DNAH2: variants seen among roughly 807,000 people sequenced by gnomAD.
DNAH2 encodes dynein axonemal heavy chain 2, also known as axonemal beta dynein heavy chain 2.
DNAH2 carries 323 observed loss-of-function variants against 523.5 expected under a neutral mutation model. The ratio of observed to expected loss-of-function variants is 0.62; its 90% CI spans 0.56 to 0.68. The LOEUF (loss-of-function observed/expected upper bound fraction) is 0.68, where lower values mean the gene tolerates loss of function less well. Ranked by LOEUF, DNAH2 falls within the 30% of genes least tolerant of loss-of-function variation. The probability of loss-of-function intolerance (pLI) is 0.00; values close to 1 mark genes in which losing one functional copy is unlikely to be tolerated. For synonymous variants in DNAH2, 2,093 were observed against 2,177.4 expected, an observed-to-expected ratio of 0.96 and a Z score of 1.08; for missense variants, 4,907 against 5,701.5, an observed-to-expected ratio of 0.86 and a Z score of 4.49.
At chr17:7,826,425 T>C (rs1241198460) in intron 77 of DNAH2, among the ~76,000 whole-genome samples, 1 of 152,170 alleles carries the variant, frequency 6.6e-6, no homozygotes, top group Non-Finnish European at 1.5e-5. Flanking sequence ...CACTTCCTGC[T>C]ATCCAGTCTT....
At chr17:7,747,647 AACTT>A (rs1238042557) in intron 12 of DNAH2, among the ~76,000 whole-genome samples, 1 of 152,204 alleles carries the variant, frequency 6.6e-6, no homozygotes, top group East Asian at 1.9e-4. Flanking sequence ...TTATCAAGGC[AACTT>A]TGGGCCAAAT....
chr17:7,822,514 C>T (rs1178405667), intron 73 of DNAH2, among the ~76,000 whole-genome samples: 2 of 152,244 alleles, frequency 1.3e-5, no homozygotes, highest in Non-Finnish European at 2.9e-5. Context: ...CCTTGATCTT[C>T]TTATTTAATA....
chr17:7,724,023 C>G (rs913314292), intron 3 of DNAH2, among the ~76,000 whole-genome samples: 1 of 152,116 alleles, frequency 6.6e-6, no homozygotes, highest in Non-Finnish European at 1.5e-5. Context: ...ATACTAATTT[C>G]TAAGACATGC....
rs770277025 is a variant in DNAH2, at chr17:7,734,321, C to T, written c.739+28C>T. 14 of 1,606,120 alleles carry T rather than the reference C, an allele frequency of 8.7e-6. No homozygotes were observed. In the South Asian group the frequency reaches 1.6e-4, roughly 18 times the overall value. On this transcript the variant is annotated intron_variant, in intron 6 of 85. Coordinates refer to ENST00000572933, the MANE Select transcript of DNAH2 (RefSeq NM_020877.5). ...GAGTGGCTGGCACTGCTAGCATCAC[C>T]TGGCGATCACAGGGGAGAGGGAAAG...
Position 7,794,393 on chromosome 17 carries a change from G to C in DNAH2, c.7674+35G>C, listed in dbSNP as rs764246317. The C allele has an allele frequency of 1.9e-6, 3 of 1,569,090 alleles. No individual in the cohort carries two copies. In the East Asian group the frequency reaches 7.0e-5, roughly 37 times the overall value. ...TCATGGGGGCTGCAGGACGAGGGGAGGGTAGGAGGTGAAACGTGTCTGTCT... is the reference window on the plus strand; with the variant it reads ...TCATGGGGGCTGCAGGACGAGGGGACGGTAGGAGGTGAAACGTGTCTGTCT... On this transcript the variant is annotated intron_variant, in intron 49 of 85. Transcript: ENST00000572933.
chr17:7,737,481 T>G (rs758866422), intron 8 of DNAH2, among the ~76,000 whole-genome samples: 5 of 152,152 alleles, frequency 3.3e-5, no homozygotes, highest in Non-Finnish European at 7.4e-5. Context: ...GGAGGTGGCT[T>G]AGGCAGGAAG....
intron 63 of DNAH2, among the ~76,000 whole-genome samples, chr17:7,811,374 A>G (rs895889554): frequency 2.6e-5 from 4 of 152,190 alleles, no homozygotes; most frequent in African/African-American, 7.2e-5. Flanking sequence ...ACATCAACTA[A>G]TCTTGCCTTT....
chr17:7,833,051 C>G lies in DNAH2; in HGVS notation c.12979-20C>G. ...AATTGAAGTCTAGCTTCTCCCAGAC[C>G]TGCTCCCATTTCTCCCCAGGATGGT... On this transcript the variant is annotated intron_variant, in intron 84 of 85. Transcript: ENST00000572933. 2 of 1,613,318 alleles carry G rather than the reference C, an allele frequency of 1.2e-6. No individual in the cohort carries two copies. Among genetic ancestry groups the G allele is most frequent in the East Asian group, 2.2e-5 (1 of 44,874 alleles).
intron 44 of DNAH2, among the ~76,000 whole-genome samples, chr17:7,789,579 C>CT (rs58735826): frequency 0.49 from 68,625 of 140,606 alleles, 18,240 homozygotes; most frequent in Non-Finnish European, 0.59. Context: ...GAGGAATACT[C>CT]TTTTTTTTTT....
Position 7,733,330 on chromosome 17 carries a change from C to A in DNAH2, c.628+15C>A. On this transcript the variant is annotated intron_variant, in intron 5 of 85. Transcript: ENST00000572933. ...CTGCCTGACAGGTAAGTGGGAAGAC[C>A]GGAGTGACTAGTTTCTCCTTAGTGT... 6.2e-7 allele frequency: 1 copy of A among 1,612,692 alleles called. No individual in the cohort carries two copies. Among genetic ancestry groups the A allele is most frequent in the Non-Finnish European group, 8.5e-7 (1 of 1,179,416 alleles).
chr17:7,721,004 C>CT (rs71159523), intron 2 of DNAH2, among the ~76,000 whole-genome samples: 28,672 of 109,778 alleles, frequency 0.26, 4,544 homozygotes, highest in East Asian at 0.41. Context: ...TTCTTTCTTT[C>CT]TTTTTTTTTT....
In DNAH2 at chr17:7,770,621, A is replaced by T. The variant is rs145730724; in HGVS notation, c.4163A>T (p.Lys1388Met). Residue 1388 changes from lysine (K) to methionine (M), a missense_variant, in exon 26 of 86, where the codon AAG becomes ATG. Transcript: ENST00000572933. The part of the protein sequence containing the change: ...TQLDIVPYKD[K>M]GHHRLRGTEE... ...CTCGACATAGTACCCTACAAGGATA[A>T]GGGCCATCATCGGCTCAGGTCAGGG... 4.3e-6 allele frequency: 7 copies of T among 1,614,078 alleles called. No homozygotes were observed. The highest frequency in any genetic ancestry group is 4.0e-5 in the African/African-American group (3 of 74,928).
At chr17:7,770,987 T>A in intron 27 of DNAH2, 54 bp downstream of exon 27, 1 of 1,582,000 alleles carries the variant, frequency 6.3e-7, no homozygotes, top group Non-Finnish European at 8.6e-7. Flanking sequence ...TCCTTCTTTT[T>A]CTTAAGACCT....
chr17:7,802,600 A>G (rs1265425452), intron 58 of DNAH2, among the ~76,000 whole-genome samples: 1 of 152,194 alleles, frequency 6.6e-6, no homozygotes, highest in Admixed American at 6.5e-5. Flanking sequence ...GTTATACTGT[A>G]TTGTTTAGGG....
Position 7,760,939 on chromosome 17 carries a change from G to A in DNAH2, c.2978+7G>A. The stretch of plus-strand genomic sequence containing the variant: ...TTGTTGCCGACATTGCCCGGTGAGT[G>A]GTGAGGGTGGATTGAAAGTCTGTCT... On this transcript the variant is annotated splice_region_variant and intron_variant, in intron 18 of 85. Coordinates refer to ENST00000572933, the MANE Select transcript of DNAH2 (RefSeq NM_020877.5). This position sits in a 1 kb window ranked among gnomAD's most constrained non-coding sequence, Gnocchi z 4.0. 6.2e-7 allele frequency: 1 copy of A among 1,613,574 alleles called. No homozygotes were observed. The highest frequency in any genetic ancestry group is 8.5e-7 in the Non-Finnish European group (1 of 1,179,620).
intron 77 of DNAH2, 145 bp from the exon 78 acceptor site, chr17:7,830,154 GA>G: frequency 9.0e-6 from 7 of 776,222 alleles, no homozygotes; most frequent in South Asian, 2.1e-5. Context: ...TTGGCATGTA[GA>G]TCAACGGCTA....
At chr17:7,738,882 G>C in intron 8 of DNAH2, 1 of 691,040 alleles carries the variant, frequency 1.4e-6, no homozygotes, top group Non-Finnish European at 2.7e-6. Flanking sequence ...TGCATAGCCA[G>C]ACTGCTCTTG....
At position 7,770,610 on chromosome 17, in the gene DNAH2, C is replaced by G. The variant is rs9909288; in HGVS notation, c.4152C>G (p.Pro1384=). The G allele has an allele frequency of 0.28, 457,697 of 1,613,714 alleles. 67,444 individuals carry two copies. The highest frequency in any genetic ancestry group is 0.46 in the Admixed American group (27,683 of 59,990). The change falls in exon 26 of 86, where the codon CCC becomes CCG. Residue 1384 remains proline, a synonymous_variant. Transcript: ENST00000572933. ...ATGTGACTCAGCTCGACATAGTACCCTACAAGGATAAGGGCCATCATCGGC... is the reference window on the plus strand; with the variant it reads ...ATGTGACTCAGCTCGACATAGTACCGTACAAGGATAAGGGCCATCATCGGC... ...TWDVTQLDIV[P]YKDKGHHRLR...
intron 27 of DNAH2, 60 bp from the exon 28 acceptor site, chr17:7,771,270 G>A: frequency 6.2e-7 from 1 of 1,605,586 alleles, no homozygotes; most frequent in Non-Finnish European, 8.5e-7. Flanking sequence ...TGGGAACAGG[G>A]AGCAGAGGGT....
Sources: allele counts gnomAD v4.1 joint callset (sites outside exome capture counted in the v4.1 genomes callset), GRCh38; gene constraint gnomAD v4.1.1; non-coding constraint Gnocchi (gnomAD v3.1); transcripts MANE v1.5; gene names NCBI Gene and HGNC (gene_info 2026-07-23, HGNC 2026-07-21).